The following NCAPH2 variants were observed in gnomAD, a reference collection of about 807,000 sequenced individuals.
The protein encoded by NCAPH2 is condensin-2 complex subunit H2.
In NCAPH2, 56 loss-of-function variants were observed where a neutral mutation model predicts 88.6. The observed-to-expected ratio is 0.63, with a 90% CI of 0.51 to 0.79. NCAPH2 has a LOEUF of 0.79. NCAPH2 is among the 30% of genes least tolerant of loss of function. The pLI is 0.00. For missense variants in NCAPH2, 794 were observed against 792.0 expected (o/e 1.00, Z -0.03); for synonymous variants, 378 against 313.6 (o/e 1.21, Z -2.17).
intron 4 of NCAPH2, 27 bp downstream of exon 4, chr22:50,517,688 GC>G (rs958808611): frequency 6.2e-7 from 1 of 1,613,938 alleles, no homozygotes; most frequent in Non-Finnish European, 8.5e-7. Context: ...TGTGGTCCCC[GC>G]CCACTGTGTG....
In NCAPH2 at chr22:50,523,279, G is replaced by A; in HGVS notation, c.1722G>A (p.Glu574=). Residue 574 remains glutamate (E), a synonymous_variant, in exon 20 of 20, where the codon GAG becomes GAA. Coordinates refer to ENST00000420993, the MANE Select transcript of NCAPH2 (RefSeq NM_152299.4). ...TVEITQQPGL[E]MAVDTMSLRL... ...AGATAACCCAGCAGCCCGGGCTGGA[G>A]ATGGCCGTGGACACCATGTCCCTGA... 1.9e-6 allele frequency: 3 copies of A among 1,608,226 alleles called. No homozygotes were observed. The highest frequency in any genetic ancestry group is 2.5e-6 in the Non-Finnish European group (3 of 1,177,424).
chr22:50,516,127 G>T (rs537271397), intron 1 of NCAPH2, among the ~76,000 whole-genome samples: 13 of 152,268 alleles, frequency 8.5e-5, no homozygotes, highest in African/African-American at 3.1e-4. Context: ...TCTTCTCTGT[G>T]TCGGGGATCT....
chr22:50,511,098 G>T (rs541016284), intron 1 of NCAPH2, among the ~76,000 whole-genome samples: 1 of 150,236 alleles, frequency 6.7e-6, no homozygotes, highest in African/African-American at 2.5e-5. Flanking sequence ...CGCCCGTGTC[G>T]GTGTCCCAAA....
chr22:50,515,862 C>A, intron 1 of NCAPH2: 1 of 1,208,700 alleles, frequency 8.3e-7, no homozygotes, highest in Non-Finnish European at 1.1e-6. Context: ...GGAGAGAGAG[C>A]TGGTCGGGTT....
At chr22:50,521,177 C>A in intron 10 of NCAPH2, 141 bp downstream of exon 10, 1 of 920,748 alleles carries the variant, frequency 1.1e-6, no homozygotes. Flanking sequence ...CTTAAAGACC[C>A]CCTCATGCGA....
chr22:50,517,447 C>G lies in NCAPH2; in HGVS notation c.231C>G (p.Leu77=), dbSNP rs377723640. Residue 77 remains leucine, a synonymous_variant, in exon 3 of 20, where the codon CTC becomes CTG. Transcript: ENST00000420993. ...ACCAGGTGGAATACCTCTACTCACT[C>G]GTCTACCAGGCCCTTGATTTCATCT... The part of the protein sequence containing the change: ...YSKKVEYLYS[L]VYQALDFISG... 2 of 1,614,038 alleles carry G rather than the reference C, an allele frequency of 1.2e-6. No homozygotes were observed. Among genetic ancestry groups the G allele is most frequent in the Non-Finnish European group, 8.5e-7 (1 of 1,180,020 alleles).
chr22:50,523,026 G>C lies in NCAPH2; in HGVS notation c.1537G>C (p.Val513Leu). 1 of 1,601,504 alleles carries C rather than the reference G, an allele frequency of 6.2e-7. No individual in the cohort carries two copies. The highest frequency in any genetic ancestry group is 8.5e-7 in the Non-Finnish European group (1 of 1,171,872). The change falls in exon 19 of 20, where the codon GTG becomes CTG. Residue 513 changes from valine to leucine, a missense_variant. Transcript: ENST00000420993. ...CCCCTCCCCTGTGCAGGAGCAGCAT[G>C]TGCCCTTTGACATCCACACCTATGG... ...QPLLQEQEQH[V>L]PFDIHTYGDQ...
Position 50,522,342 on chromosome 22 carries a change from G to GCCA in NCAPH2, c.1234-1_1234insCCA (p.Glu411_Val412insPro). 1.2e-6 allele frequency: 2 copies of GCCA among 1,604,770 alleles called. No individual in the cohort carries two copies. The highest frequency in any genetic ancestry group is 1.7e-6 in the Non-Finnish European group (2 of 1,174,700). On this transcript the variant is annotated inframe_insertion and splice_region_variant. Coordinates refer to ENST00000420993, the MANE Select transcript of NCAPH2 (RefSeq NM_152299.4). ...CCCTCACAGATGCTTTCTCTGGACA[G>GCCA]GTGGCTGAGCAGTGGCTGCGGCCTG...
Position 50,508,459 on chromosome 22 carries a change from G to A in NCAPH2, c.108+14G>A. On this transcript the variant is annotated intron_variant, in intron 1 of 19. Transcript: ENST00000420993. ...TATCTGGAGGAGGTAAGGGCGGCGG[G>A]GGAGTGACGCGGGGTGGGCCGGCGG... The A allele has an allele frequency of 2.2e-6, 3 of 1,377,236 alleles. No individual in the cohort carries two copies. The highest frequency in any genetic ancestry group is 3.2e-5 in the South Asian group (2 of 62,386). The allele number at this position is 1,377,236 out of a possible 1,614,324, so 85.3% of individuals were successfully genotyped here.
At chr22:50,521,679 T>A in intron 11 of NCAPH2, 62 bp from the exon 12 acceptor site, 1 of 1,546,850 alleles carries the variant, frequency 6.5e-7, no homozygotes, top group Non-Finnish European at 8.9e-7. Flanking sequence ...GGTGGGGGGG[T>A]GGGAGTGGGC....
In NCAPH2 at chr22:50,523,397, G is replaced by A. The variant is rs2069177303; in HGVS notation, c.*22G>A. The A allele has an allele frequency of 6.5e-7, 1 of 1,532,652 alleles. No homozygotes were observed. Among genetic ancestry groups the A allele is most frequent in the Non-Finnish European group, 8.8e-7 (1 of 1,138,668 alleles). 94.9% of individuals were successfully genotyped at this position (1,532,652 alleles called of 1,614,324 possible). The stretch of plus-strand genomic sequence containing the variant: ...CTGAGTGGGGAGCACCGAGGCAGGG[G>A]TGGGGGAATGTGTACTGAGGAGCCG... On this transcript the variant is annotated 3_prime_UTR_variant, in exon 20 of 20. Transcript: ENST00000420993.
At chr22:50,508,967 C>T (rs533250335) in intron 1 of NCAPH2, among the ~76,000 whole-genome samples, 5 of 152,336 alleles carry the variant, frequency 3.3e-5, no homozygotes, top group East Asian at 3.9e-4. Context: ...CTCCTCAGCC[C>T]AGCTCAGTCT....
In NCAPH2 at chr22:50,524,683, G is replaced by C; in HGVS notation, c.*1308G>C. On this transcript the variant is annotated 3_prime_UTR_variant, in exon 20 of 20. Coordinates refer to ENST00000420993, the MANE Select transcript of NCAPH2 (RefSeq NM_152299.4). ...CACCCTGCCCTGCACCTGCACCTCA[G>C]CAAGGTGAACCTCTTGCTGACGGAA... The C allele has an allele frequency of 1.5e-6, 1 of 672,938 alleles. No individual in the cohort carries two copies. The highest frequency in any genetic ancestry group is 3.0e-5 in the East Asian group (1 of 33,076). The allele number at this position is 672,938 out of a possible 1,614,324, so 41.7% of individuals were successfully genotyped here.
chr22:50,521,590 G>T lies in NCAPH2; in HGVS notation c.981G>T (p.Glu327Asp). The part of the protein sequence containing the change: ...WQSLDPFDSL[E>D]SKPFKKGRPY... ...GCCTGGACCCCTTTGACTCCTTGGA[G>T]TCTAAGCCCTTCAAGAAAGGTAATT... The change falls in exon 11 of 20, where the codon GAG becomes GAT. Residue 327 changes from glutamate to aspartate, a missense_variant. By Grantham distance (45) the Glu-to-Asp change is conservative (BLOSUM62 2). Transcript: ENST00000420993. 6.2e-7 allele frequency: 1 copy of T among 1,613,536 alleles called. No homozygotes were observed. The highest frequency in any genetic ancestry group is 8.5e-7 in the Non-Finnish European group (1 of 1,179,928).
At chr22:50,522,157 C>T in intron 13 of NCAPH2, 24 bp from the exon 14 acceptor site, 1 of 1,611,380 alleles carries the variant, frequency 6.2e-7, no homozygotes, top group Admixed American at 1.7e-5. Flanking sequence ...GACGAGGGAG[C>T]CCTCACAAGG....
At chr22:50,521,509 A>C (rs1603441498) in intron 10 of NCAPH2, 34 bp from the exon 11 acceptor site, 2 of 1,610,558 alleles carry the variant, frequency 1.2e-6, no homozygotes, top group South Asian at 1.1e-5. Flanking sequence ...TGCACCCCCT[A>C]CTTCTCCAGC....
chr22:50,515,712 T>C (rs1201159518), intron 1 of NCAPH2: 2 of 1,275,256 alleles, frequency 1.6e-6, no homozygotes, highest in Non-Finnish European at 1.0e-6. Flanking sequence ...TTTTTTTTTT[T>C]TTTAAAGTGT....
rs547084906 is a variant in NCAPH2, at chr22:50,521,587, G to A, written c.978G>A (p.Leu326=). Residue 326 remains leucine, a synonymous_variant, in exon 11 of 20, where the codon TTG becomes TTA. Coordinates refer to ENST00000420993, the MANE Select transcript of NCAPH2 (RefSeq NM_152299.4). ...PWQSLDPFDS[L]ESKPFKKGRP... Reference sequence around the variant, plus strand: ...AGAGCCTGGACCCCTTTGACTCCTTGGAGTCTAAGCCCTTCAAGAAAGGTA... The same window carrying A: ...AGAGCCTGGACCCCTTTGACTCCTTAGAGTCTAAGCCCTTCAAGAAAGGTA... 8.7e-6 allele frequency: 14 copies of A among 1,613,660 alleles called. 1 individual carries two copies. The highest frequency in any genetic ancestry group is 1.6e-4 in the Middle Eastern group (1 of 6,062).
intron 1 of NCAPH2, among the ~76,000 whole-genome samples, chr22:50,513,903 G>A (rs1045327036): frequency 7.2e-5 from 11 of 152,314 alleles, no homozygotes; most frequent in African/African-American, 2.2e-4. Context: ...TTTATGGTGA[G>A]CTAAAGAATG....
Sources: allele counts gnomAD v4.1 joint callset (sites outside exome capture counted in the v4.1 genomes callset), GRCh38; gene constraint gnomAD v4.1.1; transcripts MANE v1.5; gene names NCBI Gene and HGNC (gene_info 2026-07-23, HGNC 2026-07-21).